Variants in PRKX observed in about 807,000 individuals in gnomAD.
PRKX encodes the protein cAMP-dependent protein kinase catalytic subunit PRKX.
In PRKX, 12 loss-of-function variants were observed where a neutral mutation model predicts 22.0. That is an observed-to-expected ratio of 0.54 (90% CI 0.35 to 0.88). PRKX has a LOEUF of 0.88. Ranked by LOEUF, PRKX falls within the 40% of genes least tolerant of loss-of-function variation. The pLI is 0.01. For synonymous variants in PRKX, 134 were observed against 137.7 expected (o/e 0.97, Z 0.19); for missense variants, 217 against 308.0 (o/e 0.70, Z 2.21).
At chrX:3,627,711 A>G (rs1319599245) in intron 4 of PRKX, among the ~76,000 whole-genome samples, 1 of 110,726 alleles carries the variant, frequency 9.0e-6, no homozygotes, top group East Asian at 2.9e-4. Context: ...TGATCCACCC[A>G]GCTTGGTCTC....
chrX:3,693,155 C>A (rs1195853948), intron 1 of PRKX, among the ~76,000 whole-genome samples: 5 of 110,671 alleles, frequency 4.5e-5, no homozygotes, highest in Non-Finnish European at 9.4e-5. Flanking sequence ...GGGCAGGAAG[C>A]ATTAATGACA....
chrX:3,614,495 A>T (rs1869473690), intron 7 of PRKX, among the ~76,000 whole-genome samples: 1 of 111,628 alleles, frequency 9.0e-6, no homozygotes, highest in Non-Finnish European at 1.9e-5. Flanking sequence ...CTCAAAAAAT[A>T]AATAATAAAT....
intron 4 of PRKX, among the ~76,000 whole-genome samples, chrX:3,628,343 G>A (rs1926703153): frequency 9.0e-6 from 1 of 110,884 alleles, no homozygotes; most frequent in African/African-American, 3.3e-5. Flanking sequence ...GTCTTGTAGG[G>A]TGACTATAAT....
At chrX:3,617,483 A>G (rs1926453636) in intron 6 of PRKX, among the ~76,000 whole-genome samples, 1 of 109,398 alleles carries the variant, frequency 9.1e-6, no homozygotes, top group Non-Finnish European at 1.9e-5. Context: ...GTCTCTACAA[A>G]AAAACATAAA....
At chrX:3,653,673 TATATA>T (rs1408741725) in intron 3 of PRKX, among the ~76,000 whole-genome samples, 1 of 68,237 alleles carries the variant, frequency 1.5e-5, no homozygotes, top group Admixed American at 2.5e-4. Context: ...CTATGTGATA[TATATA>T]ATATATATAA....
At chrX:3,616,593 T>C (rs1926425629) in intron 6 of PRKX, among the ~76,000 whole-genome samples, 1 of 111,862 alleles carries the variant, frequency 8.9e-6, no homozygotes, top group Admixed American at 9.6e-5. Context: ...TAAACGTAGG[T>C]TCCATGAAAC....
chrX:3,671,040 T>G (rs191969964), intron 2 of PRKX, among the ~76,000 whole-genome samples: 7 of 110,176 alleles, frequency 6.4e-5, no homozygotes, highest in Non-Finnish European at 1.3e-4. Flanking sequence ...TTATTTTTAT[T>G]TATTATTATT....
Position 3,621,335 on chromosome X carries a change from CAA to C in PRKX, c.816-21_816-20del, listed in dbSNP as rs369523977. On this transcript the variant is annotated intron_variant, in intron 5 of 8. Coordinates refer to ENST00000262848, the MANE Select transcript of PRKX (RefSeq NM_005044.5). ...GAGGTCTCTATGTTGGGGAAGGAGA[CAA>C]AAAAAAAAAAAGTACACAGATTATA... The C allele has an allele frequency of 2.7e-3, 2,424 of 911,868 alleles. No homozygotes were observed. Among genetic ancestry groups the C allele is most frequent in the Admixed American group, 3.8e-3 (127 of 33,152 alleles). The allele number at this position is 911,868 out of a possible 1,213,427, so 75.1% of individuals were successfully genotyped here. A position where few individuals can be genotyped will look rare whatever the true frequency, so the allele number is the denominator to read the frequency against.
intron 1 of PRKX, among the ~76,000 whole-genome samples, chrX:3,684,987 T>C (rs1325882122): frequency 9.0e-6 from 1 of 111,104 alleles, no homozygotes; most frequent in Non-Finnish European, 1.9e-5. Flanking sequence ...CAGCTAATTT[T>C]TGTATTTTTA....
chrX:3,669,371 A>C (rs1390894932), intron 2 of PRKX, among the ~76,000 whole-genome samples: 1 of 111,187 alleles, frequency 9.0e-6, no homozygotes, highest in East Asian at 2.8e-4. Flanking sequence ...TCCATCAACT[A>C]TCTGTCACAG....
chrX:3,689,791 C>G (rs191310700), intron 1 of PRKX, among the ~76,000 whole-genome samples: 2,050 of 111,512 alleles, frequency 0.018, 21 homozygotes, highest in Middle Eastern at 0.032. Flanking sequence ...TCCTGGCTAA[C>G]ACGGTGAAAC....
Position 3,713,190 on chromosome X carries a change from C to T in PRKX, c.64G>A (p.Glu22Lys). The T allele has an allele frequency of 1.8e-6, 2 of 1,105,344 alleles. No individual in the cohort carries two copies. The highest frequency in any genetic ancestry group is 2.3e-6 in the Non-Finnish European group (2 of 851,971). 91.1% of individuals were successfully genotyped at this position (1,105,344 alleles called of 1,213,427 possible). ...AESDSRKVAE[E>K]TPDGAPALCP... ...AGCGCGGGCGCCCCGTCGGGGGTCT[C>T]CTCCGCCACCTTGCGGGAGTCGCTC... is the stretch of plus-strand genomic sequence containing the variant. The change falls in exon 1 of 9, where the codon GAG becomes AAG. Residue 22 changes from glutamate to lysine, a missense_variant. Physicochemically the swap from Glu to Lys is moderately conservative, Grantham distance 56. Transcript: ENST00000262848.
intron 3 of PRKX, among the ~76,000 whole-genome samples, chrX:3,647,254 G>A (rs1230749251): frequency 9.4e-6 from 1 of 106,433 alleles, no homozygotes; most frequent in African/African-American, 3.4e-5. Flanking sequence ...GGATAATAAT[G>A]TATAATTATA....
intron 2 of PRKX, among the ~76,000 whole-genome samples, chrX:3,665,141 C>A (rs763475619): frequency 9.0e-6 from 1 of 111,089 alleles, no homozygotes; most frequent in Non-Finnish European, 1.9e-5. Context: ...TGTGTGTGCA[C>A]GTGCACGTGT....
chrX:3,628,134 A>G lies in PRKX; in HGVS notation c.720-1620T>C, dbSNP rs191995263. On this transcript the variant is annotated intron_variant, in intron 4 of 8. Transcript: ENST00000262848. ...AACTGGAGGACATTATGTTAGGTGA[A>G]ATAAGCCAGGAAAAGAACATTAAAC... is the stretch of plus-strand genomic sequence containing the variant. 2.7e-5 allele frequency among the ~76,000 whole-genome samples: 3 copies of G among 111,540 alleles called. No individual in the cohort carries two copies. The East Asian group carries it at 8.5e-4, about 32-fold the overall frequency.
chrX:3,699,642 C>T (rs1283234217), intron 1 of PRKX, among the ~76,000 whole-genome samples: 1 of 112,524 alleles, frequency 8.9e-6, no homozygotes, highest in Middle Eastern at 4.2e-3. Flanking sequence ...GAGTGAGCCA[C>T]GGCGCCCAGC....
At chrX:3,639,669 G>T (rs1321368197) in intron 4 of PRKX, among the ~76,000 whole-genome samples, 1 of 109,592 alleles carries the variant, frequency 9.1e-6, no homozygotes, top group Non-Finnish European at 1.9e-5. Flanking sequence ...TGGATAGCTA[G>T]ACAATGAAAT....
intron 2 of PRKX, chrX:3,668,285 G>GA (rs1293517924): frequency 2.7e-5 from 3 of 111,778 alleles, no homozygotes; most frequent in Non-Finnish European, 1.9e-5. Flanking sequence ...GAAGACCCAG[G>GA]AGCTGCCTGC....
At chrX:3,700,006 C>A (rs908756500) in intron 1 of PRKX, among the ~76,000 whole-genome samples, 12 of 110,755 alleles carry the variant, frequency 1.1e-4, no homozygotes, top group Non-Finnish European at 3.8e-5. Flanking sequence ...TAAAACAGCA[C>A]CAGCTGAGTA....
Sources: allele counts gnomAD v4.1 joint callset (sites outside exome capture counted in the v4.1 genomes callset), GRCh38; gene constraint gnomAD v4.1.1; transcripts MANE v1.5; gene names NCBI Gene and HGNC (gene_info 2026-07-23, HGNC 2026-07-21).